The following SORCS3 variants were observed in gnomAD, a reference collection of about 807,000 sequenced individuals.
SORCS3 encodes the protein sortilin related VPS10 domain containing receptor 3, also known as VPS10 domain-containing receptor SorCS3.
A neutral mutation model predicts 146.3 loss-of-function variants in SORCS3; 57 were observed. That is an observed-to-expected ratio of 0.39 (90% CI 0.31 to 0.49). The LOEUF is 0.49. SORCS3 is among the 20% of genes least tolerant of loss of function. SORCS3 has a pLI of 0.92. For synonymous variants in SORCS3, 653 were observed against 618.5 expected (o/e 1.06, Z -0.83); for missense variants, 1,341 against 1,575.5 (o/e 0.85, Z 2.52).
chr10:104,750,596 A>T (rs2016972250), intron 1 of SORCS3, among the ~76,000 whole-genome samples: 1 of 152,182 alleles, frequency 6.6e-6, no homozygotes, highest in African/African-American at 2.4e-5. Flanking sequence ...GTGCACAAAT[A>T]ATACGAAGAC....
At chr10:104,651,943 A>T (rs1177448581) in intron 1 of SORCS3, among the ~76,000 whole-genome samples, 1 of 152,132 alleles carries the variant, frequency 6.6e-6, no homozygotes, top group African/African-American at 2.4e-5. Context: ...GTAGGAGTTG[A>T]TGGATAAATA....
intron 3 of SORCS3, among the ~76,000 whole-genome samples, chr10:104,922,163 A>G (rs1170621205): frequency 6.6e-6 from 1 of 152,228 alleles, no homozygotes; most frequent in Non-Finnish European, 1.5e-5. Flanking sequence ...TAACCAAAAC[A>G]TAGCACAGAA....
chr10:104,656,453 T>C (rs138561710), intron 1 of SORCS3, among the ~76,000 whole-genome samples: 1 of 152,162 alleles, frequency 6.6e-6, no homozygotes, highest in African/African-American at 2.4e-5. Flanking sequence ...GCCCAGGAGT[T>C]TGAGAGGCAA....
At chr10:104,948,570 A>G (rs2133624231) in intron 3 of SORCS3, among the ~76,000 whole-genome samples, 1 of 152,328 alleles carries the variant, frequency 6.6e-6, no homozygotes, top group East Asian at 1.9e-4. Flanking sequence ...CTAAACCTTG[A>G]TATAGCTCTG....
chr10:104,822,360 T>C (rs1218091596), intron 1 of SORCS3, among the ~76,000 whole-genome samples: 1 of 152,220 alleles, frequency 6.6e-6, no homozygotes, highest in African/African-American at 2.4e-5. Flanking sequence ...TTTACAGAGA[T>C]ATTTTGCCAA....
intron 3 of SORCS3, among the ~76,000 whole-genome samples, chr10:104,934,508 T>A (rs950333003): frequency 2.0e-5 from 3 of 152,204 alleles, no homozygotes; most frequent in Non-Finnish European, 2.9e-5. Flanking sequence ...ACAGTGTCAA[T>A]AATTTTAAAA....
chr10:105,004,604 G>A (rs1011081554), intron 4 of SORCS3, among the ~76,000 whole-genome samples: 28 of 152,220 alleles, frequency 1.8e-4, no homozygotes, highest in Non-Finnish European at 3.1e-4. Flanking sequence ...CCTGCTGTTT[G>A]TTTTTGTTTT....
intron 1 of SORCS3, among the ~76,000 whole-genome samples, chr10:104,693,948 A>AT (rs1260050953): frequency 2.0e-5 from 3 of 152,058 alleles, no homozygotes; most frequent in Non-Finnish European, 4.4e-5. Flanking sequence ...TAGAAAATAG[A>AT]TTTTTTTAAA....
intron 1 of SORCS3, among the ~76,000 whole-genome samples, chr10:104,725,795 C>T (rs1589474608): frequency 6.6e-6 from 1 of 152,366 alleles, no homozygotes; most frequent in Middle Eastern, 3.4e-3. Flanking sequence ...ATATAATCTC[C>T]TGGTGTGTCG....
At chr10:104,731,878 G>A (rs974911470) in intron 1 of SORCS3, among the ~76,000 whole-genome samples, 10 of 152,164 alleles carry the variant, frequency 6.6e-5, no homozygotes, top group African/African-American at 2.4e-4. Flanking sequence ...GTTGTTTCAT[G>A]GTGGTGACAT....
intron 2 of SORCS3, among the ~76,000 whole-genome samples, chr10:104,914,176 C>T (rs1193477368): frequency 6.6e-6 from 1 of 152,178 alleles, no homozygotes; most frequent in Non-Finnish European, 1.5e-5. Flanking sequence ...GATTTTGCTA[C>T]ACCCAAAATT....
intron 2 of SORCS3, among the ~76,000 whole-genome samples, chr10:104,891,979 A>T (rs1010213357): frequency 4.6e-5 from 7 of 152,188 alleles, no homozygotes; most frequent in Middle Eastern, 3.2e-3. Flanking sequence ...TTTGATCCTT[A>T]TTTGTTAAAC....
At chr10:104,708,211 G>A (rs2133436748) in intron 1 of SORCS3, among the ~76,000 whole-genome samples, 1 of 152,240 alleles carries the variant, frequency 6.6e-6, no homozygotes, top group South Asian at 2.1e-4. Flanking sequence ...GCCCCATCTT[G>A]CAAATTTGCA....
At position 105,255,767 on chromosome 10, in the gene SORCS3, A is replaced by G. The variant is rs760834657; in HGVS notation, c.3303A>G (p.Val1101=). 17 of 1,613,830 alleles carry G rather than the reference A, an allele frequency of 1.1e-5. No individual in the cohort carries two copies. In the African/African-American group the frequency reaches 1.7e-4, roughly 16 times the overall value. Residue 1101 remains valine (V), a synonymous_variant, in exon 24 of 27, where the codon GTA becomes GTG. Transcript: ENST00000369701. ...TCCAGTTTGAGCTGAAGCCGGGGGTACAAGTCATTGTGTATGTCACACAGC... is the reference window on the plus strand; with the variant it reads ...TCCAGTTTGAGCTGAAGCCGGGGGTGCAAGTCATTGTGTATGTCACACAGC... ...NLVQFELKPG[V]QVIVYVTQLT... is the part of the protein sequence containing the mutation.
At chr10:104,745,865 C>T (rs1035958772) in intron 1 of SORCS3, among the ~76,000 whole-genome samples, 13 of 152,170 alleles carry the variant, frequency 8.5e-5, no homozygotes, top group African/African-American at 3.1e-4. Context: ...TTTCACTCAG[C>T]ATAATGTCCT....
At chr10:104,920,122 A>G (rs1207119876) in intron 3 of SORCS3, among the ~76,000 whole-genome samples, 2 of 152,190 alleles carry the variant, frequency 1.3e-5, no homozygotes, top group African/African-American at 2.4e-5. Flanking sequence ...GTAGCAACCC[A>G]TTTCATCAGT....
At chr10:104,941,753 G>A in intron 3 of SORCS3, among the ~76,000 whole-genome samples, 1 of 152,170 alleles carries the variant, frequency 6.6e-6, no homozygotes, top group East Asian at 1.9e-4. Context: ...AAGCAAAAAT[G>A]ACTGTGGCAT....
intron 4 of SORCS3, among the ~76,000 whole-genome samples, chr10:105,009,527 C>CAAAAAAAAAAAAAA (rs35368294): frequency 1.1e-4 from 12 of 105,214 alleles, no homozygotes; most frequent in East Asian, 3.4e-4. Context: ...AACAAACAAA[C>CAAAAAAAAAAAAAA]AAAAAAAAAA....
At position 105,178,104 on chromosome 10, in the gene SORCS3, G is replaced by A; in HGVS notation, c.1940G>A (p.Gly647Asp). 1 of 1,613,572 alleles carries A rather than the reference G, an allele frequency of 6.2e-7. No individual in the cohort carries two copies. Among genetic ancestry groups the A allele is most frequent in the Non-Finnish European group, 8.5e-7 (1 of 1,179,716 alleles). The part of the protein sequence containing the change: ...FDEGHSWDKY[G>D]FTSVPLFVDG... ...GAGGGCCACTCTTGGGACAAGTATGGTTTCACTTCGGTTCCTCTCTTTGTT... is the reference window on the plus strand; with the variant it reads ...GAGGGCCACTCTTGGGACAAGTATGATTTCACTTCGGTTCCTCTCTTTGTT... The change falls in exon 14 of 27, where the codon GGT becomes GAT. Residue 647 changes from glycine to aspartate, a missense_variant. Coordinates refer to ENST00000369701, the MANE Select transcript of SORCS3 (RefSeq NM_014978.3).
Sources: allele counts gnomAD v4.1 joint callset (sites outside exome capture counted in the v4.1 genomes callset), GRCh38; gene constraint gnomAD v4.1.1; transcripts MANE v1.5; gene names NCBI Gene and HGNC (gene_info 2026-07-23, HGNC 2026-07-21).